Variants in MAP4K5 observed in about 807,000 individuals in gnomAD.
MAP4K5 encodes MAPK/ERK kinase kinase kinase 5.
In MAP4K5, 82 loss-of-function variants were observed where a neutral mutation model predicts 135.6. The observed-to-expected ratio is 0.60, with a 90% confidence interval of 0.51 to 0.73. MAP4K5 has a LOEUF of 0.73. Among genes scored for constraint, MAP4K5 ranks in the 30% least tolerant of loss-of-function variants. MAP4K5 has a pLI of 0.00. For synonymous variants in MAP4K5, 347 were observed against 335.0 expected, an observed-to-expected ratio of 1.04 and a Z score of -0.39; for missense variants, 907 against 1,010.9, an observed-to-expected ratio of 0.90 and a Z score of 1.39.
At position 50,547,390 on chromosome 14, in the gene MAP4K5, T is replaced by A. The variant is rs148157506; in HGVS notation, c.-179-4806A>T. Among the ~76,000 whole-genome samples the A allele has an allele frequency of 3.4e-4, 51 of 152,228 alleles. No individual in the cohort carries two copies. The East Asian group carries it at 4.1e-3, about 12-fold the overall frequency. ...CTGTACCTGTTAATGGGAAATGAAA[T>A]CTGTTATGTAGGGGAAGCATTGGTG... is the stretch of plus-strand genomic sequence containing the variant. On this transcript the variant is annotated intron_variant, in intron 1 of 8. Transcript: ENST00000555216.
chr14:50,443,790 TACTAGTG>T lies in MAP4K5; in HGVS notation c.1438-27_1438-21del. ...TGGTTTCTATGGGAAAAATAAAATT[TACTAGTG>T]TAAGACCTCCTAAGTCTTAAAAAGA... is the stretch of plus-strand genomic sequence containing the variant. On this transcript the variant is annotated intron_variant, in intron 19 of 32. Transcript: ENST00000682126. 4 of 1,591,550 alleles carry T rather than the reference TACTAGTG, an allele frequency of 2.5e-6. No individual in the cohort carries two copies. Among genetic ancestry groups the T allele is most frequent in the Non-Finnish European group, 3.4e-6 (4 of 1,171,770 alleles).
intron 3 of MAP4K5, among the ~76,000 whole-genome samples, chr14:50,494,409 G>A (rs918058200): frequency 5.9e-5 from 9 of 151,748 alleles, no homozygotes; most frequent in South Asian, 2.1e-4. Flanking sequence ...CTCGTGATCC[G>A]CCCACTTCAG....
At chr14:50,555,792 A>G (rs1038133208) in intron 1 of MAP4K5, among the ~76,000 whole-genome samples, 1 of 152,224 alleles carries the variant, frequency 6.6e-6, no homozygotes, top group African/African-American at 2.4e-5. Context: ...AAATTGTTGC[A>G]TGAAAGTAAA....
At chr14:50,557,057 A>G (rs2038773593) in intron 1 of MAP4K5, among the ~76,000 whole-genome samples, 1 of 152,162 alleles carries the variant, frequency 6.6e-6, no homozygotes, top group Non-Finnish European at 1.5e-5. Flanking sequence ...TTTTTGAGGA[A>G]CTGCTAGACT....
chr14:50,555,476 G>A (rs760330028), intron 1 of MAP4K5, among the ~76,000 whole-genome samples: 56 of 152,220 alleles, frequency 3.7e-4, no homozygotes, highest in Non-Finnish European at 6.9e-4. Flanking sequence ...TAGAGACGGG[G>A]TTTCACCGTG....
intron 1 of MAP4K5, chr14:50,560,199 C>A: frequency 6.3e-7 from 1 of 1,597,794 alleles, no homozygotes; most frequent in Non-Finnish European, 8.5e-7. Context: ...CCGCCAGCAA[C>A]CTGCGGCCCC....
intron 1 of MAP4K5, chr14:50,560,316 A>G (rs755420102): frequency 6.2e-7 from 1 of 1,613,536 alleles, no homozygotes; most frequent in Admixed American, 1.7e-5. Context: ...AGCAAATGAG[A>G]ACTTCTGCAG....
At chr14:50,541,582 T>C (rs1456899986) in intron 2 of MAP4K5, among the ~76,000 whole-genome samples, 1 of 152,168 alleles carries the variant, frequency 6.6e-6, no homozygotes, top group African/African-American at 2.4e-5. Flanking sequence ...CTACATAATG[T>C]ACTACAGAGA....
chr14:50,503,971 GTAT>G (rs2037758846), intron 3 of MAP4K5, among the ~76,000 whole-genome samples: 1 of 151,868 alleles, frequency 6.6e-6, no homozygotes, highest in African/African-American at 2.4e-5. Flanking sequence ...TCCTGAAAGA[GTAT>G]TATTATAACA....
chr14:50,493,815 C>T (rs2037536436), intron 3 of MAP4K5, among the ~76,000 whole-genome samples: 1 of 151,936 alleles, frequency 6.6e-6, no homozygotes, highest in African/African-American at 2.4e-5. Flanking sequence ...CGGTGAAACC[C>T]TGTCTCTACT....
intron 2 of MAP4K5, among the ~76,000 whole-genome samples, chr14:50,541,372 A>C (rs1276065136): frequency 1.3e-5 from 2 of 152,206 alleles, no homozygotes; most frequent in African/African-American, 4.8e-5. Context: ...AATACCAGAG[A>C]ACGAGAGATA....
At position 50,428,765 on chromosome 14, in the gene MAP4K5, A is replaced by G. The variant is rs1205452782; in HGVS notation, c.2234-11T>C. On this transcript the variant is annotated splice_polypyrimidine_tract_variant and intron_variant, in intron 29 of 32. Coordinates refer to ENST00000682126, the MANE Select transcript of MAP4K5 (RefSeq NM_006575.6). ...CAATTTTCACAAATTCTTAAAAAAA[A>G]AAAACAAGTCAAGACTGGACATGCA... 7.4e-7 allele frequency: 1 copy of G among 1,348,996 alleles called. No individual in the cohort carries two copies. The allele number at this position is 1,348,996 out of a possible 1,614,324, so 83.6% of individuals were successfully genotyped here. A position where few individuals can be genotyped will look rare whatever the true frequency, so the allele number is the denominator to read the frequency against.
At chr14:50,455,947 T>C (rs1227518543) in intron 14 of MAP4K5, among the ~76,000 whole-genome samples, 1 of 152,146 alleles carries the variant, frequency 6.6e-6, no homozygotes, top group African/African-American at 2.4e-5. Context: ...TAAAAACTAA[T>C]CTCGCTTTTG....
Position 50,438,042 on chromosome 14 carries a change from T to C in MAP4K5, c.1709-34A>G, listed in dbSNP as rs377519502. ...GAAAAACATGTTACCTTTTTGAGAATCATTTACAGCAGAGAAATACAATTT... is the reference window on the plus strand; with the variant it reads ...GAAAAACATGTTACCTTTTTGAGAACCATTTACAGCAGAGAAATACAATTT... On this transcript the variant is annotated intron_variant, in intron 24 of 32. Transcript: ENST00000682126. The C allele has an allele frequency of 1.4e-5, 16 of 1,121,364 alleles. No homozygotes were observed. The African/African-American group carries it at 2.3e-4, about 16-fold the overall frequency. 69.5% of individuals were successfully genotyped at this position (1,121,364 alleles called of 1,614,324 possible). A position where few individuals can be genotyped will look rare whatever the true frequency, so the allele number is the denominator to read the frequency against.
chr14:50,500,327 G>A (rs1265904220), intron 3 of MAP4K5, among the ~76,000 whole-genome samples: 3 of 152,140 alleles, frequency 2.0e-5, no homozygotes, highest in African/African-American at 4.8e-5. Context: ...TGGCCTCTCC[G>A]AGGATATGAT....
rs187067138 is a variant in MAP4K5, at chr14:50,420,548, C to T, written c.2454-442G>A. Among the ~76,000 whole-genome samples, 7 of 152,270 alleles carry T rather than the reference C, an allele frequency of 4.6e-5. No homozygotes were observed. In the East Asian group the frequency reaches 1.3e-3, roughly 29 times the overall value. On this transcript the variant is annotated intron_variant, in intron 32 of 32. Transcript: ENST00000682126. ...TCAGGACGCTGAGGCAGGAGGATCC[C>T]TTGAGCCCGGGAGTTTGAGGATGCA...
intron 26 of MAP4K5, 80 bp from the exon 27 acceptor site, chr14:50,435,145 A>G (rs1026578036): frequency 3.1e-6 from 2 of 637,180 alleles, no homozygotes; most frequent in Non-Finnish European, 2.7e-6. Flanking sequence ...AACCAGGATG[A>G]CAAGAGTGGG....
intron 3 of MAP4K5, 87 bp downstream of exon 3, chr14:50,504,713 A>G (rs2037773443): frequency 1.1e-6 from 1 of 949,892 alleles, no homozygotes; most frequent in Non-Finnish European, 1.6e-6. Flanking sequence ...CTGATAGAAC[A>G]TATAAAGACT....
At chr14:50,479,446 TC>T (rs1421306300) in intron 6 of MAP4K5, among the ~76,000 whole-genome samples, 2 of 147,870 alleles carry the variant, frequency 1.4e-5, no homozygotes, top group African/African-American at 5.4e-5. Flanking sequence ...TTAATTAACA[TC>T]CTTTGTTAAT....
Sources: gnomAD v4.1 joint callset for allele counts (sites outside exome capture counted in the v4.1 genomes callset) on GRCh38, gnomAD v4.1.1 for gene constraint, MANE v1.5 for transcripts, NCBI Gene and HGNC (gene_info 2026-07-23, HGNC 2026-07-21) for gene names.